The following SLIT2 variants were observed in gnomAD, a reference collection of about 807,000 sequenced individuals.
SLIT2 encodes the protein slit guidance ligand 2, also known as slit homolog 2 protein.
A neutral mutation model predicts 185.7 loss-of-function variants in SLIT2; 41 were observed. The observed-to-expected ratio is 0.22, with a 90% CI of 0.17 to 0.29. SLIT2 has a LOEUF of 0.29. Ranked by LOEUF, SLIT2 falls within the 10% of genes least tolerant of loss-of-function variation. SLIT2 has a pLI of 1.00. For missense variants in SLIT2, 1,571 were observed against 1,909.0 expected (o/e 0.82, Z 3.30); for synonymous variants, 693 against 680.2 (o/e 1.02, Z -0.29).
intron 30 of SLIT2, among the ~76,000 whole-genome samples, chr4:20,594,428 C>A (rs970026491): frequency 3.3e-5 from 5 of 151,138 alleles, no homozygotes; most frequent in African/African-American, 9.7e-5. Flanking sequence ...GTCAGTGAAC[C>A]CTCTCTTAAA....
At chr4:20,431,337 A>G (rs1201775327) in intron 4 of SLIT2, among the ~76,000 whole-genome samples, 1 of 152,164 alleles carries the variant, frequency 6.6e-6, no homozygotes, top group Non-Finnish European at 1.5e-5. Flanking sequence ...ATTAGATGCT[A>G]GGAGGTAACA....
At chr4:20,271,868 G>T (rs1713651634) in intron 4 of SLIT2, among the ~76,000 whole-genome samples, 1 of 151,918 alleles carries the variant, frequency 6.6e-6, no homozygotes, top group Non-Finnish European at 1.5e-5. Flanking sequence ...AGATGCCAGG[G>T]GAAGAAGCAC....
intron 3 of SLIT2, among the ~76,000 whole-genome samples, chr4:20,261,581 C>A (rs1577335788): frequency 6.6e-6 from 1 of 151,742 alleles, no homozygotes; most frequent in East Asian, 1.9e-4. Context: ...TAGGGGGACC[C>A]AGATCATGTC....
intron 9 of SLIT2, among the ~76,000 whole-genome samples, chr4:20,508,003 T>A (rs1252944178): frequency 6.6e-6 from 1 of 152,048 alleles, no homozygotes; most frequent in African/African-American, 2.4e-5. Flanking sequence ...CTCTTAACTG[T>A]CAATCAAAAC....
rs541182976 is a variant in SLIT2 at position 20,344,355 on chromosome 4, G to A, written c.395+75474G>A. Among the ~76,000 whole-genome samples, 407 of 152,256 alleles carry A rather than the reference G, an allele frequency of 2.7e-3. 2 individuals are homozygous for A. The highest frequency in any genetic ancestry group is 9.4e-3 in the African/African-American group (391 of 41,554). On this transcript the variant is annotated intron_variant, in intron 4 of 36. Transcript: ENST00000504154. Reference sequence around the variant, plus strand: ...ATTCATTTTGATTAGAGCAATTTGGGAAGAATTCTTGGAGAAATTTTTTTA... The same window carrying A: ...ATTCATTTTGATTAGAGCAATTTGGAAAGAATTCTTGGAGAAATTTTTTTA...
chr4:20,562,902 A>C (rs1724810979), intron 26 of SLIT2, among the ~76,000 whole-genome samples: 1 of 151,832 alleles, frequency 6.6e-6, no homozygotes, highest in Non-Finnish European at 1.5e-5. Context: ...TTTCCAAGGG[A>C]TGCCAGAATG....
intron 26 of SLIT2, among the ~76,000 whole-genome samples, chr4:20,561,936 C>T (rs544889583): frequency 9.2e-5 from 14 of 151,808 alleles, no homozygotes; most frequent in Non-Finnish European, 1.8e-4. Context: ...TCCATATTCT[C>T]TCCAATGCAA....
intron 4 of SLIT2, among the ~76,000 whole-genome samples, chr4:20,300,168 A>G (rs1320481106): frequency 6.6e-6 from 1 of 152,108 alleles, no homozygotes; most frequent in Non-Finnish European, 1.5e-5. Context: ...TGACTCTATT[A>G]TATGACTTTT....
chr4:20,254,638 G>A lies in SLIT2; in HGVS notation c.179+644G>A, dbSNP rs563250521. Among the ~76,000 whole-genome samples, 6 of 152,184 alleles carry A rather than the reference G, an allele frequency of 3.9e-5. No homozygotes were observed. In the South Asian group the frequency reaches 1.0e-3, roughly 26 times the overall value. ...ACTTCTCCGGGGAGGGGAAGACGGC[G>A]TCAGGCCCCTAGGGACTTGTCTCAG... On this transcript the variant is annotated intron_variant, in intron 1 of 36. Transcript: ENST00000504154. The surrounding 1 kb of genome is among the most constrained non-coding windows in gnomAD (Gnocchi z 5.1).
At chr4:20,509,013 C>T (rs757000222) in intron 9 of SLIT2, among the ~76,000 whole-genome samples, 5 of 151,144 alleles carry the variant, frequency 3.3e-5, no homozygotes, top group Admixed American at 2.0e-4. Context: ...TTAAATGTTA[C>T]GCGTGTGTGT....
chr4:20,604,360 T>C (rs895162372), intron 33 of SLIT2, among the ~76,000 whole-genome samples: 3 of 152,242 alleles, frequency 2.0e-5, no homozygotes, highest in Admixed American at 6.5e-5. Flanking sequence ...AGATATCTTT[T>C]CTTTTTGGAG....
chr4:20,301,159 T>C (rs1029392194), intron 4 of SLIT2, among the ~76,000 whole-genome samples: 2 of 152,098 alleles, frequency 1.3e-5, no homozygotes, highest in Non-Finnish European at 2.9e-5. Flanking sequence ...GATAGGGAAA[T>C]CAAATAAGAT....
chr4:20,299,724 CAG>C (rs1716865234), intron 4 of SLIT2, among the ~76,000 whole-genome samples: 1 of 151,290 alleles, frequency 6.6e-6, no homozygotes, highest in Non-Finnish European at 1.5e-5. Flanking sequence ...TAAGGCCCGA[CAG>C]GGGGAGCCAA....
chr4:20,435,319 G>A (rs866704394), intron 4 of SLIT2, among the ~76,000 whole-genome samples: 2 of 152,174 alleles, frequency 1.3e-5, no homozygotes, highest in Admixed American at 6.5e-5. Flanking sequence ...TGCATTCAAG[G>A]CACTATCCTT....
chr4:20,459,672 G>A (rs938125568), intron 4 of SLIT2, among the ~76,000 whole-genome samples: 2 of 151,994 alleles, frequency 1.3e-5, no homozygotes, highest in South Asian at 4.2e-4. Context: ...ATAAAACATT[G>A]CCATTCTCCT....
chr4:20,595,364 G>A lies in SLIT2; in HGVS notation c.3183-333G>A, dbSNP rs1413978646. Among the ~76,000 whole-genome samples the A allele has an allele frequency of 4.7e-4, 72 of 152,126 alleles. 1 individual carries two copies. The highest frequency in any genetic ancestry group is 1.0e-4 in the Non-Finnish European group (7 of 67,994). On this transcript the variant is annotated intron_variant, in intron 30 of 36. Coordinates refer to ENST00000504154, the MANE Select transcript of SLIT2 (RefSeq NM_004787.4). Reference sequence around the variant, plus strand: ...GGCCAAACTGAAAATATAGGGCACTGTAAGCAAACAAAATGGGGAAAAAGA... The same window carrying A: ...GGCCAAACTGAAAATATAGGGCACTATAAGCAAACAAAATGGGGAAAAAGA...
chr4:20,614,165 G>A (rs1033009722), intron 34 of SLIT2, among the ~76,000 whole-genome samples: 8 of 152,050 alleles, frequency 5.3e-5, no homozygotes, highest in African/African-American at 1.2e-4. Flanking sequence ...GAGCCACTGC[G>A]CTCGGCCGAC....
In SLIT2 at chr4:20,359,061, C is replaced by G. The variant is rs1722548791; in HGVS notation, c.395+90180C>G. 2.0e-5 allele frequency among the ~76,000 whole-genome samples: 3 copies of G among 152,080 alleles called. No individual in the cohort carries two copies. In the South Asian group the frequency reaches 6.2e-4, roughly 32 times the overall value. On this transcript the variant is annotated intron_variant, in intron 4 of 36. Coordinates refer to ENST00000504154, the MANE Select transcript of SLIT2 (RefSeq NM_004787.4). ...TCTTGCCAAGCCCACAGTAAGAGTT[C>G]TAAATATAAGTTAAAATAGGTTCTC...
chr4:20,521,454 T>G (rs1270363601), intron 12 of SLIT2, among the ~76,000 whole-genome samples: 1 of 152,206 alleles, frequency 6.6e-6, no homozygotes, highest in Non-Finnish European at 1.5e-5. Flanking sequence ...TGGGCCACAC[T>G]GAGTTAAAGT....
Sources: gnomAD v4.1 joint callset for allele counts (sites outside exome capture counted in the v4.1 genomes callset) on GRCh38, gnomAD v4.1.1 for gene constraint, Gnocchi (gnomAD v3.1) non-coding constraint, MANE v1.5 for transcripts, NCBI Gene and HGNC (gene_info 2026-07-23, HGNC 2026-07-21) for gene names.